Variants in INHA observed in about 807,000 individuals in gnomAD.
INHA encodes inhibin alpha chain.
In INHA, 8 loss-of-function variants were observed where a neutral mutation model predicts 21.3. The observed-to-expected ratio is 0.38, with a 90% confidence interval of 0.22 to 0.68. INHA has a LOEUF of 0.68. INHA is among the 30% of genes least tolerant of loss of function. INHA has a pLI of 0.53. For synonymous variants in INHA, 231 were observed against 207.5 expected (o/e 1.11, Z -0.97); for missense variants, 436 against 465.8 (o/e 0.94, Z 0.59).
chr2:219,575,630 C>CT lies in INHA; in HGVS notation c.*104_*105insT. On this transcript the variant is annotated 3_prime_UTR_variant, in exon 2 of 2. Coordinates refer to ENST00000243786, the MANE Select transcript of INHA (RefSeq NM_002191.4). ...TGGGAAATAGATGGCTCCCACTCCT[C>CT]CCTCCTTTCACTTCTCTGCCTATGG... 3 of 927,544 alleles carry CT rather than the reference C, an allele frequency of 3.2e-6. No homozygotes were observed. The South Asian group carries it at 4.0e-5, about 12-fold the overall frequency. The allele number at this position is 927,544 out of a possible 1,614,324, so 57.5% of individuals were successfully genotyped here.
rs766743014 is a variant in INHA at position 219,575,530 on chromosome 2, T to TG, written c.*10dup. 39 of 1,607,706 alleles carry TG rather than the reference T, an allele frequency of 2.4e-5. No individual in the cohort carries two copies. Among genetic ancestry groups the TG allele is most frequent in the East Asian group, 1.3e-4 (6 of 44,840 alleles). On this transcript the variant is annotated 3_prime_UTR_variant, in exon 2 of 2. Coordinates refer to ENST00000243786, the MANE Select transcript of INHA (RefSeq NM_002191.4). ...GCAGCACTGTGCTTGTATCTAAGGG[T>TG]GGGGGGTCTTCCTTCTTAATCCCAT...
Position 219,574,827 on chromosome 2 carries a change from C to T in INHA, c.402C>T (p.His134=), listed in dbSNP as rs1195228517. The T allele has an allele frequency of 2.5e-6, 4 of 1,614,116 alleles. No homozygotes were observed. Among genetic ancestry groups the T allele is most frequent in the Admixed American group, 1.7e-5 (1 of 60,034 alleles). Residue 134 remains histidine, a synonymous_variant, in exon 2 of 2, where the codon CAC becomes CAT. Coordinates refer to ENST00000243786, the MANE Select transcript of INHA (RefSeq NM_002191.4). Reference sequence around the variant, plus strand: ...TGACTTCAGCCCAGCTGTGGTTCCACACCGGGCTGGACAGGCAGGGCACAG... The same window carrying T: ...TGACTTCAGCCCAGCTGTGGTTCCATACCGGGCTGGACAGGCAGGGCACAG... ...RQVTSAQLWF[H]TGLDRQGTAA...
In INHA at chr2:219,575,615, A is replaced by G. The variant is rs1162466897; in HGVS notation, c.*89A>G. On this transcript the variant is annotated 3_prime_UTR_variant, in exon 2 of 2. Coordinates refer to ENST00000243786, the MANE Select transcript of INHA (RefSeq NM_002191.4). ...GAGGAAAGGCAGAGTTGGGAAATAG[A>G]TGGCTCCCACTCCTCCCTCCTTTCA... 4 of 1,079,734 alleles carry G rather than the reference A, an allele frequency of 3.7e-6. No homozygotes were observed. The highest frequency in any genetic ancestry group is 5.7e-6 in the Non-Finnish European group (4 of 707,772). The allele number at this position is 1,079,734 out of a possible 1,614,324, so 66.9% of individuals were successfully genotyped here.
chr2:219,574,484 T>C (rs1386775353), intron 1 of INHA, among the ~76,000 whole-genome samples: 3 of 152,166 alleles, frequency 2.0e-5, no homozygotes, highest in Non-Finnish European at 2.9e-5. Flanking sequence ...CTTCTATTTT[T>C]TTAAGTCCCT....
rs1278628549 is a variant in INHA at position 219,575,361 on chromosome 2, T to TA, written c.937dup (p.Thr313AsnfsTer41). The TA allele has an allele frequency of 6.2e-7, 1 of 1,614,080 alleles. No individual in the cohort carries two copies. The highest frequency in any genetic ancestry group is 1.7e-5 in the Admixed American group (1 of 60,030). ...CCCTTCCAGTCCCTGGGGCTCCCCC[T>TA]ACCCCAGCCCAGCCCTACTCCTTGC... On this transcript the variant is annotated frameshift_variant, in exon 2 of 2. Coordinates refer to ENST00000243786, the MANE Select transcript of INHA (RefSeq NM_002191.4). LOFTEE classifies it high-confidence loss of function.
chr2:219,574,660 G>T (rs1444952856), intron 1 of INHA, 34 bp from the exon 2 acceptor site: 1 of 1,563,500 alleles, frequency 6.4e-7, no homozygotes, highest in East Asian at 2.4e-5. Flanking sequence ...TGCCAGTCAG[G>T]GCTGCCCTCT....
At chr2:219,574,315 T>C (rs563446724) in intron 1 of INHA, among the ~76,000 whole-genome samples, 3 of 150,630 alleles carry the variant, frequency 2.0e-5, no homozygotes, top group African/African-American at 4.9e-5. Flanking sequence ...CAACCATCCA[T>C]GTAGACACCA....
chr2:219,573,840 G>C (rs1460357037), intron 1 of INHA, among the ~76,000 whole-genome samples: 1 of 151,982 alleles, frequency 6.6e-6, no homozygotes, highest in Non-Finnish European at 1.5e-5. Context: ...AGGCATGGTG[G>C]CACCAGCTAC....
At position 219,574,796 on chromosome 2, in the gene INHA, G is replaced by A. The variant is rs540215120; in HGVS notation, c.371G>A (p.Arg124His). The A allele has an allele frequency of 6.2e-6, 10 of 1,614,112 alleles. 1 individual carries two copies. Among genetic ancestry groups the A allele is most frequent in the African/African-American group, 4.0e-5 (3 of 75,066 alleles). The stretch of plus-strand genomic sequence containing the variant: ...CGGCCATCCCAGCATACACGCAGCC[G>A]CCAGGTGACTTCAGCCCAGCTGTGG... ...MFRPSQHTRS[R>H]QVTSAQLWFH... Residue 124 changes from arginine (R) to histidine (H), a missense_variant, in exon 2 of 2, where the codon CGC becomes CAC. Arg to His is a conservative substitution (Grantham distance 29). Transcript: ENST00000243786.
At position 219,572,516 on chromosome 2, in the gene INHA, A is replaced by G; in HGVS notation, c.142A>G (p.Arg48Gly). 1 of 1,606,260 alleles carries G rather than the reference A, an allele frequency of 6.2e-7. No homozygotes were observed. The highest frequency in any genetic ancestry group is 1.3e-5 in the African/African-American group (1 of 74,886). The stretch of plus-strand genomic sequence containing the variant: ...TGCCTTGGGGCCCCCCGCGGTGACC[A>G]GGGAAGGTGGGGACCCTGGAGTCAG... Reference protein sequence around the residue: ...LDALGPPAVTREGGDPGVRRL... With the variant: ...LDALGPPAVTGEGGDPGVRRL... Residue 48 changes from arginine (R) to glycine (G), a missense_variant, in exon 1 of 2, where the codon AGG becomes GGG. Coordinates refer to ENST00000243786, the MANE Select transcript of INHA (RefSeq NM_002191.4).
chr2:219,573,579 T>C (rs1574596013), intron 1 of INHA, among the ~76,000 whole-genome samples: 1 of 67,124 alleles, frequency 1.5e-5, no homozygotes, highest in African/African-American at 5.7e-5. Context: ...TGCCTTTCCC[T>C]CCTTCTTCTT....
Position 219,575,429 on chromosome 2 carries a change from T to A in INHA, c.1004T>A (p.Met335Lys). Residue 335 changes from methionine to lysine, a missense_variant, in exon 2 of 2, where the codon ATG becomes AAG. Transcript: ENST00000243786. ...QPCCAALPGT[M>K]RPLHVRTTSD... is the part of the protein sequence containing the mutation. ...TGCTGTGCTGCTCTCCCAGGGACCA[T>A]GAGGCCCCTACATGTCCGCACCACC... is the stretch of plus-strand genomic sequence containing the variant. 6.2e-7 allele frequency: 1 copy of A among 1,614,000 alleles called. No homozygotes were observed.
At position 219,575,047 on chromosome 2, in the gene INHA, C is replaced by T. The variant is rs111982983; in HGVS notation, c.622C>T (p.Arg208Trp). ...LRCPLCTCSA[R>W]PEATPFLVAH... ...CTGTCCCCTCTGTACCTGCTCAGCC[C>T]GGCCTGAGGCCACGCCCTTCCTGGT... Residue 208 changes from arginine to tryptophan, a missense_variant, in exon 2 of 2, where the codon CGG becomes TGG. By Grantham distance (101) the Arg-to-Trp change is moderately radical. Coordinates refer to ENST00000243786, the MANE Select transcript of INHA (RefSeq NM_002191.4). 1.5e-5 allele frequency: 24 copies of T among 1,613,322 alleles called. No homozygotes were observed. The highest frequency in any genetic ancestry group is 1.6e-4 in the Middle Eastern group (1 of 6,084).
rs1194994121 is a variant in INHA at position 219,572,578 on chromosome 2, A to T, written c.204A>T (p.Thr68=). The change falls in exon 1 of 2, where the codon ACA becomes ACT. Residue 68 remains threonine (T), a synonymous_variant. Transcript: ENST00000243786. ...GAAGACATGCCCTGGGGGGCTTCAC[A>T]CACAGGGGCTCTGAGCCCGAGGAAG... ...LPRRHALGGF[T]HRGSEPEEEE... is the part of the protein sequence containing the mutation. The T allele has an allele frequency of 6.4e-7, 1 of 1,559,660 alleles. No individual in the cohort carries two copies. The highest frequency in any genetic ancestry group is 8.7e-7 in the Non-Finnish European group (1 of 1,151,318).
Position 219,572,591 on chromosome 2 carries a change from G to A in INHA, c.217G>A (p.Glu73Lys). 6.4e-7 allele frequency: 1 copy of A among 1,554,722 alleles called. No individual in the cohort carries two copies. The highest frequency in any genetic ancestry group is 8.7e-7 in the Non-Finnish European group (1 of 1,148,692). The change falls in exon 1 of 2, where the codon GAG becomes AAG. Residue 73 changes from glutamate to lysine, a missense_variant. By Grantham distance (56) the Glu-to-Lys change is moderately conservative. Coordinates refer to ENST00000243786, the MANE Select transcript of INHA (RefSeq NM_002191.4). The stretch of plus-strand genomic sequence containing the variant: ...GGGGGGCTTCACACACAGGGGCTCT[G>A]AGCCCGAGGAAGAGGAGGATGTCTC... ...ALGGFTHRGS[E>K]PEEEEDVSQA...
At chr2:219,574,296 A>AAGG (rs1553539807) in intron 1 of INHA, among the ~76,000 whole-genome samples, 2 of 119,244 alleles carry the variant, frequency 1.7e-5, no homozygotes, top group Admixed American at 8.4e-5. Context: ...AAAAAAAAAA[A>AAGG]GAATATAACA....
chr2:219,573,971 C>CA (rs67844693), intron 1 of INHA, among the ~76,000 whole-genome samples: 46,068 of 110,192 alleles, frequency 0.42, 8,595 homozygotes, highest in South Asian at 0.57. Flanking sequence ...GACTCCATCT[C>CA]AAAAAAAAAA....
chr2:219,572,909 G>C (rs1291500099), intron 1 of INHA, among the ~76,000 whole-genome samples: 2 of 152,224 alleles, frequency 1.3e-5, no homozygotes, highest in Non-Finnish European at 2.9e-5. Context: ...GGAGACCGGG[G>C]GTCTCTAAAG....
intron 1 of INHA, among the ~76,000 whole-genome samples, chr2:219,574,142 G>A (rs533141933): frequency 6.6e-6 from 1 of 151,902 alleles, no homozygotes; most frequent in South Asian, 2.1e-4. Context: ...AGCTAGGTGT[G>A]GTAGCACACG....
Sources: gnomAD v4.1 joint callset for allele counts (sites outside exome capture counted in the v4.1 genomes callset) on GRCh38, gnomAD v4.1.1 for gene constraint, MANE v1.5 for transcripts, NCBI Gene and HGNC (gene_info 2026-07-23, HGNC 2026-07-21) for gene names.